TAOK1: variants seen among roughly 807,000 people sequenced by gnomAD.
TAOK1 encodes the protein serine/threonine-protein kinase TAO1.
Under a neutral mutation model 138.3 loss-of-function variants are expected in TAOK1, and 21 were observed. The observed-to-expected ratio is 0.15, with a 90% CI of 0.11 to 0.22. TAOK1 has a LOEUF of 0.22. Ranked by LOEUF, TAOK1 falls within the 10% of genes least tolerant of loss-of-function variation. The pLI is 1.00. For synonymous variants in TAOK1, 361 were observed against 398.4 expected (o/e 0.91, Z 1.12); for missense variants, 651 against 1,227.7 (o/e 0.53, Z 7.02).
At chr17:29,443,301 C>T (rs1280892418) in intron 1 of TAOK1, among the ~76,000 whole-genome samples, 2 of 152,184 alleles carry the variant, frequency 1.3e-5, no homozygotes, top group Non-Finnish European at 2.9e-5. Context: ...ACTGAATGTG[C>T]TGTAATTATC....
intron 3 of TAOK1, among the ~76,000 whole-genome samples, chr17:29,470,348 G>GT (rs1285614816): frequency 5.9e-5 from 9 of 152,052 alleles, no homozygotes; most frequent in African/African-American, 1.9e-4. Context: ...GTACTGCTTG[G>GT]TTTTTTTCTG....
chr17:29,434,621 C>G (rs569059217), intron 1 of TAOK1, among the ~76,000 whole-genome samples: 1 of 152,214 alleles, frequency 6.6e-6, no homozygotes, highest in African/African-American at 2.4e-5. Context: ...AATTATTTGT[C>G]TCACCTATGT....
intron 8 of TAOK1, among the ~76,000 whole-genome samples, chr17:29,485,273 A>G (rs1454551411): frequency 1.3e-5 from 2 of 152,202 alleles, no homozygotes; most frequent in African/African-American, 4.8e-5. Flanking sequence ...ATTTTTAATT[A>G]CATAAATATA....
intron 19 of TAOK1, among the ~76,000 whole-genome samples, chr17:29,540,241 T>C (rs1446154577): frequency 3.9e-5 from 6 of 152,258 alleles, no homozygotes; most frequent in African/African-American, 1.2e-4. Context: ...TGGAATATTC[T>C]TCTCAGGGAA....
Position 29,547,725 on chromosome 17 carries a change from A to G in TAOK1, c.*4703A>G, listed in dbSNP as rs909152298. 1 of 152,030 alleles carries G rather than the reference A, an allele frequency of 6.6e-6. No individual in the cohort carries two copies. The highest frequency in any genetic ancestry group is 1.9e-4 in the East Asian group (1 of 5,196). 9.4% of individuals were successfully genotyped at this position (152,030 alleles called of 1,614,324 possible). On this transcript the variant is annotated 3_prime_UTR_variant, in exon 20 of 20. Transcript: ENST00000261716. ...ATTATTGAAGAAAAACAAATTATCT[A>G]TTTTGTTTTCCCCCATCTAACATGA...
At chr17:29,416,559 CATTA>C (rs72386740) in intron 1 of TAOK1, among the ~76,000 whole-genome samples, 3,400 of 152,072 alleles carry the variant, frequency 0.022, 130 homozygotes, top group African/African-American at 0.078. Context: ...TTAAATATTA[CATTA>C]ATTAAATAAT....
Position 29,543,012 on chromosome 17 carries a change from C to A in TAOK1, c.2996C>A (p.Ser999Tyr). ...TSQISNGSHM[S>Y]YT Reference sequence around the variant, plus strand: ...CAAATATCCAATGGGTCACACATGTCTTATACATAACTTAATAATTGAGAG... The same window carrying A: ...CAAATATCCAATGGGTCACACATGTATTATACATAACTTAATAATTGAGAG... Residue 999 changes from serine to tyrosine, a missense_variant, in exon 20 of 20, where the codon TCT (serine) becomes TAT (tyrosine). Physicochemically the swap from Ser to Tyr is moderately radical, Grantham distance 144. Transcript: ENST00000261716. 6.3e-7 allele frequency: 1 copy of A among 1,585,028 alleles called. No individual in the cohort carries two copies. The highest frequency in any genetic ancestry group is 8.6e-7 in the Non-Finnish European group (1 of 1,161,840).
chr17:29,421,154 TCCTCGA>T (rs1315758575), intron 1 of TAOK1, among the ~76,000 whole-genome samples: 2 of 150,544 alleles, frequency 1.3e-5, no homozygotes, highest in Non-Finnish European at 3.0e-5. Context: ...GGTCTCAGTC[TCCTCGA>T]CCTTGTGATC....
At chr17:29,500,708 T>C (rs150304999) in intron 12 of TAOK1, among the ~76,000 whole-genome samples, 2 of 150,296 alleles carry the variant, frequency 1.3e-5, no homozygotes, top group African/African-American at 4.9e-5. Context: ...GCCACTGCAC[T>C]CCAGCCTGGT....
At chr17:29,465,128 ATTTTTTTTTTTTTTT>A (rs57794003) in intron 2 of TAOK1, among the ~76,000 whole-genome samples, 5 of 63,154 alleles carry the variant, frequency 7.9e-5, no homozygotes, top group Non-Finnish European at 1.2e-4. Flanking sequence ...GTCTTATTTA[ATTTTTTTTTTTTTTT>A]TTTTTTTTTT....
At chr17:29,405,580 A>C (rs1240108659) in intron 1 of TAOK1, among the ~76,000 whole-genome samples, 1 of 151,658 alleles carries the variant, frequency 6.6e-6, no homozygotes, top group Non-Finnish European at 1.5e-5. Context: ...GGAGTTTGAG[A>C]CCAGCCTGGC....
At chr17:29,489,097 C>T (rs1029938957) in intron 8 of TAOK1, among the ~76,000 whole-genome samples, 2 of 152,110 alleles carry the variant, frequency 1.3e-5, no homozygotes, top group Non-Finnish European at 2.9e-5. Context: ...GGATGTATTA[C>T]GATGCTTTAG....
At chr17:29,446,708 A>G (rs371457821) in intron 1 of TAOK1, among the ~76,000 whole-genome samples, 1 of 151,786 alleles carries the variant, frequency 6.6e-6, no homozygotes, top group East Asian at 1.9e-4. Flanking sequence ...ATGCTCCCAT[A>G]AGATTATAGT....
chr17:29,491,707 A>G, intron 9 of TAOK1, 77 bp from the exon 10 acceptor site: 1 of 979,610 alleles, frequency 1.0e-6, no homozygotes, highest in Non-Finnish European at 1.6e-6. Flanking sequence ...TCCCACCAAT[A>G]GGCACGTGTC....
At chr17:29,421,199 G>T (rs974986382) in intron 1 of TAOK1, among the ~76,000 whole-genome samples, 8 of 152,142 alleles carry the variant, frequency 5.3e-5, no homozygotes, top group Admixed American at 5.2e-4. Context: ...GGAGTGCTGG[G>T]ATTACAGGCG....
At chr17:29,533,703 TG>T (rs1014274736) in intron 18 of TAOK1, among the ~76,000 whole-genome samples, 46 of 151,500 alleles carry the variant, frequency 3.0e-4, no homozygotes, top group African/African-American at 1.1e-3. Flanking sequence ...CAGTCAGGCG[TG>T]GCGGCGCGCG....
chr17:29,471,889 T>G (rs2030826752), intron 3 of TAOK1, among the ~76,000 whole-genome samples: 1 of 152,258 alleles, frequency 6.6e-6, no homozygotes, highest in South Asian at 2.1e-4. Context: ...CAACTAAGTT[T>G]ATGTAATATT....
At chr17:29,459,566 C>T (rs2030482677) in intron 2 of TAOK1, among the ~76,000 whole-genome samples, 1 of 152,148 alleles carries the variant, frequency 6.6e-6, no homozygotes, top group African/African-American at 2.4e-5. Flanking sequence ...CATGAGTCAC[C>T]ACACCCGGCC....
chr17:29,475,793 G>A, intron 4 of TAOK1, 22 bp downstream of exon 4: 1 of 1,576,992 alleles, frequency 6.3e-7, no homozygotes, highest in Non-Finnish European at 8.7e-7. Flanking sequence ...TTCTCCCCTT[G>A]TTGCAGTTTT....
Sources: allele counts gnomAD v4.1 joint callset (sites outside exome capture counted in the v4.1 genomes callset), GRCh38; gene constraint gnomAD v4.1.1; transcripts MANE v1.5; gene names NCBI Gene and HGNC (gene_info 2026-07-23, HGNC 2026-07-21).